The following GIPR variants were observed in gnomAD, a reference collection of about 807,000 sequenced individuals.
The protein encoded by GIPR is GIP-R.
In GIPR, 74 loss-of-function variants were observed where a neutral mutation model predicts 62.2. That is an observed-to-expected ratio of 1.19 (90% confidence interval 0.99 to 1.44). The LOEUF is 1.44. GIPR is among the 40% of genes most tolerant of loss of function. The pLI, the probability that GIPR is intolerant of heterozygous loss-of-function variation, is 0.00. For missense variants in GIPR, 664 were observed against 611.8 expected (o/e 1.09, Z -0.90); for synonymous variants, 256 against 262.2 (o/e 0.98, Z 0.23).
chr19:45,677,191 G>C, intron 8 of GIPR, 83 bp downstream of exon 8: 1 of 1,456,274 alleles, frequency 6.9e-7, no homozygotes, highest in Non-Finnish European at 9.5e-7. Flanking sequence ...GCCTCTGCGG[G>C]TCTCCTCCCG....
Position 45,674,497 on chromosome 19 carries a change from A to AG in GIPR, c.489-179dup, listed in dbSNP as rs1975725250. ...GTGGTGCACCTGTGGTACCAGCTAT[A>AG]GGGGGGCGCTGAGACAGGAGGATTG... On this transcript the variant is annotated intron_variant, in intron 6 of 13. Coordinates refer to ENST00000590918, the MANE Select transcript of GIPR (RefSeq NM_000164.4). 9.1e-6 allele frequency: 6 copies of AG among 655,874 alleles called. No individual in the cohort carries two copies. The East Asian group carries it at 1.4e-4, about 15-fold the overall frequency. 40.6% of individuals were successfully genotyped at this position (655,874 alleles called of 1,614,324 possible). A position where few individuals can be genotyped will look rare whatever the true frequency, so the allele number is the denominator to read the frequency against.
At chr19:45,670,031 G>GGTTT (rs373283239) in intron 2 of GIPR, among the ~76,000 whole-genome samples, 2 of 151,578 alleles carry the variant, frequency 1.3e-5, no homozygotes, top group African/African-American at 4.8e-5. Flanking sequence ...GTTGGGTGGT[G>GGTTT]GTTTGTTTGT....
At position 45,671,404 on chromosome 19, in the gene GIPR, C is replaced by T; in HGVS notation, c.280+12C>T. On this transcript the variant is annotated intron_variant, in intron 4 of 13. Coordinates refer to ENST00000590918, the MANE Select transcript of GIPR (RefSeq NM_000164.4). Reference sequence around the variant, plus strand: ...CTGGCACCACCATGGTGAGGTGCTCCCTGGGCCCGGAGCCCTCCCCAGACA... The same window carrying T: ...CTGGCACCACCATGGTGAGGTGCTCTCTGGGCCCGGAGCCCTCCCCAGACA... 1 of 1,548,762 alleles carries T rather than the reference C, an allele frequency of 6.5e-7. No individual in the cohort carries two copies. The highest frequency in any genetic ancestry group is 8.9e-7 in the Non-Finnish European group (1 of 1,125,626).
At chr19:45,675,025 T>C (rs1975763114) in intron 7 of GIPR, 199 bp downstream of exon 7, 1 of 652,302 alleles carries the variant, frequency 1.5e-6, no homozygotes, top group African/African-American at 1.8e-5. Flanking sequence ...TGCCATCATT[T>C]AACTCTCCCA....
intron 1 of GIPR, among the ~76,000 whole-genome samples, 165 bp from the exon 2 acceptor site, chr19:45,669,312 C>A (rs1414886088): frequency 6.6e-6 from 1 of 152,228 alleles, no homozygotes; most frequent in Non-Finnish European, 1.5e-5. Flanking sequence ...TCCCTCCCCC[C>A]AGATCATCAC....
At chr19:45,669,371 T>C in intron 1 of GIPR, 106 bp from the exon 2 acceptor site, 1 of 1,136,422 alleles carries the variant, frequency 8.8e-7, no homozygotes, top group Non-Finnish European at 1.3e-6. Flanking sequence ...CCCGCGTGTA[T>C]ACGGCTCCCC....
Position 45,677,751 on chromosome 19 carries a change from T to C in GIPR, c.896T>C (p.Ile299Thr), listed in dbSNP as rs1405223050. 4.3e-6 allele frequency: 7 copies of C among 1,613,622 alleles called. No homozygotes were observed. In the South Asian group the frequency reaches 7.7e-5, roughly 18 times the overall value. ...RNEVKAIWWIIRTPILMTILI... is the reference protein window; with the variant it reads ...RNEVKAIWWITRTPILMTILI... ...GAAGTCAAGGCCATTTGGTGGATTA[T>C]ACGGACCCCCATCCTCATGACCATC... Residue 299 changes from isoleucine to threonine, a missense_variant, in exon 10 of 14, where the codon ATA becomes ACA. Ile to Thr is a moderately conservative substitution (Grantham distance 89, BLOSUM62 -1). Transcript: ENST00000590918.
In GIPR at chr19:45,682,221, G is replaced by T. The variant is rs767090869; in HGVS notation, c.*286G>T. On this transcript the variant is annotated 3_prime_UTR_variant, in exon 14 of 14. Transcript: ENST00000590918. Reference sequence around the variant, plus strand: ...TAAGCCATCCCCGAAAGAGGTGAAAGAGATCACTTTGGGGAGAGCTGGAGA... The same window carrying T: ...TAAGCCATCCCCGAAAGAGGTGAAATAGATCACTTTGGGGAGAGCTGGAGA... The T allele has an allele frequency of 1.9e-3, 885 of 456,710 alleles. 1 individual carries two copies. The highest frequency in any genetic ancestry group is 2.7e-3 in the Non-Finnish European group (687 of 256,460). 28.3% of individuals were successfully genotyped at this position (456,710 alleles called of 1,614,324 possible).
Position 45,670,695 on chromosome 19 carries a change from G to A in GIPR, c.133G>A (p.Glu45Lys). 5 of 1,612,670 alleles carry A rather than the reference G, an allele frequency of 3.1e-6. No homozygotes were observed. The highest frequency in any genetic ancestry group is 4.2e-6 in the Non-Finnish European group (5 of 1,179,542). Residue 45 changes from glutamate (E) to lysine (K), a missense_variant, in exon 3 of 14, where the codon GAG becomes AAG. Glu to Lys is a moderately conservative substitution (Grantham distance 56). Transcript: ENST00000590918. Reference sequence around the variant, plus strand: ...CCAGCGCTGGGAACGGTACCGCAGGGAGTGCCAGGAGACCTTGGCAGCCGC... The same window carrying A: ...CCAGCGCTGGGAACGGTACCGCAGGAAGTGCCAGGAGACCTTGGCAGCCGC... ...LYQRWERYRRECQETLAAAEP... is the reference protein window; with the variant it reads ...LYQRWERYRRKCQETLAAAEP...
rs1220920823 is a variant in GIPR at position 45,681,838 on chromosome 19, C to A, written c.1304C>A (p.Ser435Tyr). The A allele has an allele frequency of 6.4e-7, 1 of 1,554,086 alleles. No homozygotes were observed. The highest frequency in any genetic ancestry group is 2.4e-5 in the East Asian group (1 of 41,480). Residue 435 changes from serine (S) to tyrosine (Y), a missense_variant, in exon 14 of 14, where the codon TCC becomes TAC. Physicochemically the swap from Ser to Tyr is moderately radical, Grantham distance 144. Transcript: ENST00000590918. ...GCCTTCCGGGCCCTGCCCTCCGGCT[C>A]CGGCCCGGGCGAGGTCCCCACCAGC... ...ERAFRALPSG[S>Y]GPGEVPTSRG...
chr19:45,674,597 A>G (rs1975732589), intron 6 of GIPR, 85 bp from the exon 7 acceptor site: 2 of 1,232,672 alleles, frequency 1.6e-6, no homozygotes, highest in African/African-American at 3.0e-5. Context: ...ACAGAGTGAG[A>G]CCCTGTTTAA....
chr19:45,675,628 G>A (rs2238690), intron 7 of GIPR, among the ~76,000 whole-genome samples: 31,524 of 146,696 alleles, frequency 0.21, 3,555 homozygotes, highest in East Asian at 0.4. Context: ...GCTCATGCCT[G>A]TAATCCCAGC....
chr19:45,670,601 G>T (rs1485379313), intron 2 of GIPR, 34 bp from the exon 3 acceptor site: 4 of 1,495,350 alleles, frequency 2.7e-6, no homozygotes, highest in Non-Finnish European at 3.7e-6. Flanking sequence ...GCGGGGGTCG[G>T]TCTGGGGGGG....
At position 45,670,634 on chromosome 19, in the gene GIPR, G is replaced by A. The variant is rs745457046; in HGVS notation, c.73-1G>A. The A allele has an allele frequency of 6.8e-6, 11 of 1,610,306 alleles. No individual in the cohort carries two copies. The African/African-American group carries it at 1.5e-4, about 22-fold the overall frequency. ...GGGTCCTCCCTTCTTTCTTTTCCTA[G>A]ACAGGCTCTAAGGGGCAGACGGCGG... On this transcript the variant is annotated splice_acceptor_variant, in intron 2 of 13. Coordinates refer to ENST00000590918, the MANE Select transcript of GIPR (RefSeq NM_000164.4). LOFTEE classifies it high-confidence loss of function.
Position 45,671,398 on chromosome 19 carries a change from G to A in GIPR, c.280+6G>A, listed in dbSNP as rs1368871509. 6.4e-7 allele frequency: 1 copy of A among 1,573,642 alleles called. No homozygotes were observed. The highest frequency in any genetic ancestry group is 1.7e-5 in the Admixed American group (1 of 59,938). ...CCTGCCCTGGCACCACCATGGTGAGGTGCTCCCTGGGCCCGGAGCCCTCCC... is the reference window on the plus strand; with the variant it reads ...CCTGCCCTGGCACCACCATGGTGAGATGCTCCCTGGGCCCGGAGCCCTCCC... On this transcript the variant is annotated splice_donor_region_variant and intron_variant, in intron 4 of 13. Coordinates refer to ENST00000590918, the MANE Select transcript of GIPR (RefSeq NM_000164.4).
chr19:45,670,506 TACCCAAGA>T lies in GIPR; in HGVS notation c.73-128_73-121del, dbSNP rs1975476210. The stretch of plus-strand genomic sequence containing the variant: ...CAAGACTTGGAACTGGTTTCCAAGC[TACCCAAGA>T]CTCCCGAACAACACGCAACAGACCC... On this transcript the variant is annotated intron_variant, in intron 2 of 13. Coordinates refer to ENST00000590918, the MANE Select transcript of GIPR (RefSeq NM_000164.4). The T allele has an allele frequency of 6.6e-6, 4 of 609,868 alleles. No homozygotes were observed. In the African/African-American group the frequency reaches 7.4e-5, roughly 11 times the overall value. 37.8% of individuals were successfully genotyped at this position (609,868 alleles called of 1,614,324 possible).
At chr19:45,672,602 G>T (rs1975599406) in intron 4 of GIPR, 1 of 435,558 alleles carries the variant, frequency 2.3e-6, no homozygotes, top group Non-Finnish European at 4.3e-6. Flanking sequence ...ACCACGCCCA[G>T]CCTTAACATT....
At position 45,669,639 on chromosome 19, in the gene GIPR, T is replaced by C. The variant is rs761203017; in HGVS notation, c.72+47T>C. 9 of 1,544,074 alleles carry C rather than the reference T, an allele frequency of 5.8e-6. No individual in the cohort carries two copies. In the East Asian group the frequency reaches 1.2e-4, roughly 20 times the overall value. ...GGAGCTCCAGGCTTGGAGGGAGGTA[T>C]GGGGACGGTTTTAGGGCTTCCGTCG... On this transcript the variant is annotated intron_variant, in intron 2 of 13. Transcript: ENST00000590918.
chr19:45,677,469 G>A lies in GIPR; in HGVS notation c.854+86G>A, dbSNP rs1023880609. The stretch of plus-strand genomic sequence containing the variant: ...GGGTTGTGATGGACATGTGGGCAGG[G>A]TCGGAAGGCTATTCGGTGCTGGGGA... On this transcript the variant is annotated intron_variant, in intron 9 of 13. Transcript: ENST00000590918. 8 of 1,004,372 alleles carry A rather than the reference G, an allele frequency of 8.0e-6. No individual in the cohort carries two copies. In the Admixed American group the frequency reaches 1.5e-4, roughly 19 times the overall value. The allele number at this position is 1,004,372 out of a possible 1,614,324, so 62.2% of individuals were successfully genotyped here.
Sources: allele counts gnomAD v4.1 joint callset (sites outside exome capture counted in the v4.1 genomes callset), GRCh38; gene constraint gnomAD v4.1.1; transcripts MANE v1.5; gene names NCBI Gene and HGNC (gene_info 2026-07-23, HGNC 2026-07-21).